Variants in MIB1 observed in about 807,000 individuals in gnomAD.
MIB1 encodes the protein E3 ubiquitin-protein ligase MIB1.
Under a neutral mutation model 124.5 loss-of-function variants are expected in MIB1, and 278 were observed. That is an observed-to-expected ratio of 2.23 (90% confidence interval 2.02 to 2.47). The LOEUF (loss-of-function observed/expected upper bound fraction) is 2.47, where lower values mean the gene tolerates loss of function less well. MIB1 is among the 30% of genes most tolerant of loss of function. The pLI is 0.00. For missense variants in MIB1, 957 were observed against 1,254.4 expected (o/e 0.76, Z 3.58); for synonymous variants, 446 against 429.4 (o/e 1.04, Z -0.48).
At chr18:21,710,092 A>G (rs1457955579) in intron 1 of MIB1, among the ~76,000 whole-genome samples, 1 of 151,914 alleles carries the variant, frequency 6.6e-6, no homozygotes, top group Non-Finnish European at 1.5e-5. Context: ...GAATATGCTT[A>G]TGTTTTTAAT....
intron 12 of MIB1, among the ~76,000 whole-genome samples, chr18:21,823,300 C>T (rs1280094105): frequency 1.3e-5 from 2 of 150,080 alleles, no homozygotes. Flanking sequence ...ACTTGGGAGG[C>T]TGAGGCGAGA....
chr18:21,864,717 T>C lies in MIB1; in HGVS notation c.*51T>C, dbSNP rs1392204640. On this transcript the variant is annotated 3_prime_UTR_variant, in exon 21 of 21. Transcript: ENST00000261537. ...GCTAATGTATCTAGTCATGAGATCTTAATAGGCTTTTGATCTAGTTGGAAG... is the reference window on the plus strand; with the variant it reads ...GCTAATGTATCTAGTCATGAGATCTCAATAGGCTTTTGATCTAGTTGGAAG... The C allele has an allele frequency of 6.9e-7, 1 of 1,441,932 alleles. No individual in the cohort carries two copies. Among genetic ancestry groups the C allele is most frequent in the East Asian group, 2.3e-5 (1 of 43,596 alleles). 89.3% of individuals were successfully genotyped at this position (1,441,932 alleles called of 1,614,324 possible).
intron 1 of MIB1, among the ~76,000 whole-genome samples, chr18:21,759,991 C>T (rs1338655757): frequency 6.6e-6 from 1 of 152,090 alleles, no homozygotes; most frequent in African/African-American, 2.4e-5. Flanking sequence ...GGCAAGATAC[C>T]ATTAAAACTT....
chr18:21,719,795 C>CA (rs2040706726), intron 1 of MIB1, among the ~76,000 whole-genome samples: 1 of 151,902 alleles, frequency 6.6e-6, no homozygotes, highest in African/African-American at 2.4e-5. Context: ...CCTATTTACA[C>CA]AAAAACAGAC....
At chr18:21,773,891 G>C (rs963803844) in intron 4 of MIB1, among the ~76,000 whole-genome samples, 163 bp downstream of exon 4, 3 of 152,066 alleles carry the variant, frequency 2.0e-5, no homozygotes, top group African/African-American at 4.8e-5. Context: ...TTTGCCTTTA[G>C]TTTAATGTTT....
intron 1 of MIB1, among the ~76,000 whole-genome samples, chr18:21,753,821 C>T (rs112657711): frequency 2.6e-5 from 4 of 152,020 alleles, no homozygotes; most frequent in African/African-American, 4.8e-5. Flanking sequence ...AGATTATAGG[C>T]GCCTGCCACC....
chr18:21,833,945 C>T (rs950310674), intron 12 of MIB1, among the ~76,000 whole-genome samples: 1 of 152,152 alleles, frequency 6.6e-6, no homozygotes, highest in Non-Finnish European at 1.5e-5. Context: ...GGGAAAATAT[C>T]TCTAAATCTC....
intron 6 of MIB1, among the ~76,000 whole-genome samples, chr18:21,786,503 A>G (rs2041437659): frequency 6.6e-6 from 1 of 151,866 alleles, no homozygotes; most frequent in Non-Finnish European, 1.5e-5. Context: ...CTAGATTTGG[A>G]AAGTTTTCTG....
At chr18:21,753,912 A>C (rs775031830) in intron 1 of MIB1, among the ~76,000 whole-genome samples, 3 of 152,200 alleles carry the variant, frequency 2.0e-5, no homozygotes, top group Non-Finnish European at 4.4e-5. Context: ...TCCTGACCTC[A>C]GGTGATCCAC....
chr18:21,844,318 TA>T, intron 15 of MIB1, 65 bp downstream of exon 15: 1 of 1,489,838 alleles, frequency 6.7e-7, no homozygotes. Context: ...ATCTTATATT[TA>T]CTGGTAATCT....
intron 5 of MIB1, 130 bp from the exon 6 acceptor site, chr18:21,779,351 A>T: frequency 1.4e-6 from 1 of 700,906 alleles, no homozygotes; most frequent in Non-Finnish European, 2.4e-6. Context: ...ACTTATAGGG[A>T]ATTCTCAAGA....
intron 7 of MIB1, among the ~76,000 whole-genome samples, chr18:21,796,343 T>C (rs921229268): frequency 6.7e-6 from 1 of 149,224 alleles, no homozygotes; most frequent in Non-Finnish European, 1.5e-5. Flanking sequence ...AGTTGAGCAA[T>C]GAGAACATGT....
intron 9 of MIB1, among the ~76,000 whole-genome samples, chr18:21,802,053 C>T (rs1343422077): frequency 1.3e-5 from 2 of 152,098 alleles, no homozygotes; most frequent in Non-Finnish European, 1.5e-5. Flanking sequence ...TTTAACTTCA[C>T]AATTAAGTTT....
intron 20 of MIB1, among the ~76,000 whole-genome samples, chr18:21,859,934 A>G (rs1201780627): frequency 2.0e-5 from 3 of 149,166 alleles, no homozygotes; most frequent in African/African-American, 7.4e-5. Flanking sequence ...CTGTATACAT[A>G]TACACCATAA....
chr18:21,706,245 C>T (rs777128087), intron 1 of MIB1, among the ~76,000 whole-genome samples: 1 of 152,142 alleles, frequency 6.6e-6, no homozygotes, highest in Non-Finnish European at 1.5e-5. Context: ...CCACACCCAG[C>T]TAATCTTGTA....
chr18:21,843,138 CA>C lies in MIB1; in HGVS notation c.1973del (p.Asn658ThrfsTer7). 6.2e-7 allele frequency: 1 copy of C among 1,602,002 alleles called. No homozygotes were observed. The highest frequency in any genetic ancestry group is 8.5e-7 in the Non-Finnish European group (1 of 1,175,494). ...TTTGTTCTTCTCGTTCAGGGTAATGCAAACCTGGATATCCAGAATGTGAACC... is the reference window on the plus strand; with the variant it reads ...TTTGTTCTTCTCGTTCAGGGTAATGCAACCTGGATATCCAGAATGTGAACC... ...VAELLVHQGN[A>X]NLDIQNVNQQ... On this transcript the variant is annotated frameshift_variant, in exon 14 of 21. Transcript: ENST00000261537. LOFTEE classifies it high-confidence loss of function.
At chr18:21,842,813 A>C (rs970541459) in intron 13 of MIB1, among the ~76,000 whole-genome samples, 3 of 152,200 alleles carry the variant, frequency 2.0e-5, no homozygotes, top group Non-Finnish European at 4.4e-5. Flanking sequence ...GATTATCTCC[A>C]TTGCTTTATA....
intron 10 of MIB1, among the ~76,000 whole-genome samples, chr18:21,807,714 G>A (rs996917879): frequency 1.1e-4 from 17 of 152,164 alleles, no homozygotes; most frequent in African/African-American, 3.6e-4. Context: ...TCACAACAGT[G>A]ATCTGGCTTT....
At position 21,868,418 on chromosome 18, in the gene MIB1, TCTC is replaced by T. The variant is rs1353239812; in HGVS notation, c.*3756_*3758del. 2 of 152,462 alleles carry T rather than the reference TCTC, an allele frequency of 1.3e-5. No individual in the cohort carries two copies. The highest frequency in any genetic ancestry group is 2.9e-5 in the Non-Finnish European group (2 of 67,906). 9.4% of individuals were successfully genotyped at this position (152,462 alleles called of 1,614,324 possible). A position where few individuals can be genotyped will look rare whatever the true frequency, so the allele number is the denominator to read the frequency against. On this transcript the variant is annotated 3_prime_UTR_variant, in exon 21 of 21. Coordinates refer to ENST00000261537, the MANE Select transcript of MIB1 (RefSeq NM_020774.4). ...AAATTTTTGGGAGGGACAGTGCACC[TCTC>T]CTCTGAATTGTTAGCAATTAAATTG... is the stretch of plus-strand genomic sequence containing the variant.
Sources: allele counts gnomAD v4.1 joint callset (sites outside exome capture counted in the v4.1 genomes callset), GRCh38; gene constraint gnomAD v4.1.1; transcripts MANE v1.5; gene names NCBI Gene and HGNC (gene_info 2026-07-23, HGNC 2026-07-21).